Variants in CDH4 observed in about 807,000 individuals in gnomAD.
The protein encoded by CDH4 is cadherin 4.
Under a neutral mutation model 86.0 loss-of-function variants are expected in CDH4, and 33 were observed. The observed-to-expected ratio is 0.38, with a 90% CI of 0.29 to 0.51. CDH4 has a LOEUF of 0.51. Among genes scored for constraint, CDH4 ranks in the 20% least tolerant of loss-of-function variants. CDH4 has a pLI of 0.86. For missense variants in CDH4, 1,114 were observed against 1,307.4 expected (o/e 0.85, Z 2.28); for synonymous variants, 555 against 549.4 (o/e 1.01, Z -0.14).
chr20:61,908,636 C>G (rs1408873043), intron 8 of CDH4, among the ~76,000 whole-genome samples: 1 of 151,562 alleles, frequency 6.6e-6, no homozygotes, highest in Admixed American at 6.6e-5. Flanking sequence ...CGTTTCCCAC[C>G]TCACAAGGCT....
chr20:61,588,361 A>T (rs113429025), intron 2 of CDH4, among the ~76,000 whole-genome samples: 1 of 152,210 alleles, frequency 6.6e-6, no homozygotes, highest in African/African-American at 2.4e-5. Context: ...CTGCTTCCAG[A>T]AGGTCTGGGC....
intron 5 of CDH4, among the ~76,000 whole-genome samples, chr20:61,847,645 A>G (rs1275254007): frequency 6.6e-6 from 1 of 152,230 alleles, no homozygotes; most frequent in Non-Finnish European, 1.5e-5. Flanking sequence ...TAATATAGAG[A>G]GAAAAGAGGT....
intron 2 of CDH4, among the ~76,000 whole-genome samples, chr20:61,443,943 T>TCC (rs2085327552): frequency 3.9e-5 from 1 of 25,334 alleles, no homozygotes; most frequent in Non-Finnish European, 7.3e-5. Context: ...TTTGTGGATA[T>TCC]CTGTGTGTGT....
intron 2 of CDH4, among the ~76,000 whole-genome samples, chr20:61,644,389 G>C (rs1277120388): frequency 1.3e-5 from 2 of 152,204 alleles, no homozygotes; most frequent in Non-Finnish European, 2.9e-5. Flanking sequence ...GGGGAGCAGA[G>C]GCTCAAAGCC....
chr20:61,459,440 T>C (rs1390555521), intron 2 of CDH4, among the ~76,000 whole-genome samples: 2 of 151,220 alleles, frequency 1.3e-5, no homozygotes, highest in African/African-American at 4.9e-5. Context: ...TGGTCACGTA[T>C]TGGTATTGTG....
chr20:61,358,862 G>C (rs543050606), intron 2 of CDH4, among the ~76,000 whole-genome samples: 10 of 152,184 alleles, frequency 6.6e-5, no homozygotes, highest in Admixed American at 2.0e-4. Context: ...ACAGGGAGCC[G>C]TCATGCGGCA....
intron 2 of CDH4, among the ~76,000 whole-genome samples, chr20:61,288,120 T>A (rs2084302734): frequency 6.6e-6 from 1 of 152,196 alleles, no homozygotes; most frequent in Non-Finnish European, 1.5e-5. Context: ...TCTGTTTTTA[T>A]TCTCACGATT....
At chr20:61,887,993 T>C (rs1383781203) in intron 7 of CDH4, among the ~76,000 whole-genome samples, 1 of 152,206 alleles carries the variant, frequency 6.6e-6, no homozygotes, top group African/African-American at 2.4e-5. Context: ...CCCTGCAGCT[T>C]CAATTTCCAA....
intron 2 of CDH4, among the ~76,000 whole-genome samples, chr20:61,361,564 A>G (rs1466676917): frequency 6.6e-6 from 1 of 152,146 alleles, no homozygotes; most frequent in Non-Finnish European, 1.5e-5. Flanking sequence ...TTGGTTCCGA[A>G]AAGGAAGATG....
At chr20:61,600,867 G>A (rs1413922235) in intron 2 of CDH4, among the ~76,000 whole-genome samples, 1 of 152,142 alleles carries the variant, frequency 6.6e-6, no homozygotes, top group African/African-American at 2.4e-5. Flanking sequence ...GGTTGAATCT[G>A]CGGGTGCAGA....
At chr20:61,295,608 G>A (rs3892205) in intron 2 of CDH4, among the ~76,000 whole-genome samples, 4 of 152,276 alleles carry the variant, frequency 2.6e-5, no homozygotes, top group African/African-American at 7.2e-5. Flanking sequence ...GGCCCTGGGC[G>A]TCATCCTGCG....
intron 2 of CDH4, among the ~76,000 whole-genome samples, chr20:61,373,131 G>C (rs1185122998): frequency 6.6e-6 from 1 of 152,260 alleles, no homozygotes; most frequent in Non-Finnish European, 1.5e-5. Context: ...GGCAGCAGCT[G>C]TCCCTTAACT....
chr20:61,644,913 T>C (rs536769744), intron 2 of CDH4, among the ~76,000 whole-genome samples: 314 of 151,876 alleles, frequency 2.1e-3, no homozygotes, highest in South Asian at 8.1e-3. Flanking sequence ...AGTCGCTGAG[T>C]CGTGCGGCCT....
chr20:61,686,508 TGTGTGTGCATTC>T (rs1011335705), intron 2 of CDH4, among the ~76,000 whole-genome samples: 54 of 151,548 alleles, frequency 3.6e-4, no homozygotes, highest in Admixed American at 8.6e-4. Flanking sequence ...TGTGTGTATA[TGTGTGTGCATTC>T]GTGTGTGCAT....
rs564559325 is a variant in CDH4, at chr20:61,322,009, C to T, written c.169+67072C>T. On this transcript the variant is annotated intron_variant, in intron 2 of 15. Coordinates refer to ENST00000614565, the MANE Select transcript of CDH4 (RefSeq NM_001794.5). The stretch of plus-strand genomic sequence containing the variant: ...TTTTACAGGTGGGGAAACTGAGGCT[C>T]AGGAAGGTGACATTGAACATGAAAC... Among the ~76,000 whole-genome samples the T allele has an allele frequency of 2.6e-5, 4 of 152,166 alleles. No individual in the cohort carries two copies. The East Asian group carries it at 7.7e-4, about 29-fold the overall frequency.
intron 2 of CDH4, among the ~76,000 whole-genome samples, chr20:61,683,401 G>A (rs2087539640): frequency 6.6e-6 from 1 of 152,204 alleles, no homozygotes; most frequent in South Asian, 2.1e-4. Context: ...ACCCTGCAGT[G>A]AACGGCACGG....
chr20:61,488,731 T>C (rs1447236329), intron 2 of CDH4, among the ~76,000 whole-genome samples: 3 of 152,176 alleles, frequency 2.0e-5, no homozygotes, highest in African/African-American at 7.2e-5. Context: ...TTGATAATGT[T>C]TTTAGAACTA....
At chr20:61,818,835 C>T (rs1049238528) in intron 4 of CDH4, among the ~76,000 whole-genome samples, 8 of 152,104 alleles carry the variant, frequency 5.3e-5, no homozygotes, top group African/African-American at 1.7e-4. Flanking sequence ...TGTTTATCCA[C>T]ACCCCCTGCG....
At chr20:61,565,961 G>A (rs2086294459) in intron 2 of CDH4, among the ~76,000 whole-genome samples, 1 of 152,156 alleles carries the variant, frequency 6.6e-6, no homozygotes, top group South Asian at 2.1e-4. Flanking sequence ...CCTCCCACCT[G>A]ATGGGAGGAC....
Sources: gnomAD v4.1 joint callset for allele counts (sites outside exome capture counted in the v4.1 genomes callset) on GRCh38, gnomAD v4.1.1 for gene constraint, MANE v1.5 for transcripts, NCBI Gene and HGNC (gene_info 2026-07-23, HGNC 2026-07-21) for gene names.